MYO3B: variants seen among roughly 807,000 people sequenced by gnomAD.
The protein encoded by MYO3B is myosin IIIB, also known as myosin-IIIb.
A neutral mutation model predicts 174.6 loss-of-function variants in MYO3B; 156 were observed. The ratio of observed to expected loss-of-function variants is 0.89; its 90% CI spans 0.78 to 1.02. MYO3B has a LOEUF of 1.02. Among genes scored for constraint, MYO3B ranks in the 50% least tolerant of loss-of-function variants. MYO3B has a pLI of 0.00. For synonymous variants in MYO3B, 563 were observed against 569.1 expected (o/e 0.99, Z 0.15); for missense variants, 1,632 against 1,639.4 (o/e 1.00, Z 0.08).
At chr2:170,300,940 G>A (rs1375319526) in intron 7 of MYO3B, among the ~76,000 whole-genome samples, 1 of 152,196 alleles carries the variant, frequency 6.6e-6, no homozygotes, top group Admixed American at 6.5e-5. Flanking sequence ...AAGAGGTGCT[G>A]AATTACAAAG....
chr2:170,393,234 C>T (rs2094425161), intron 16 of MYO3B, among the ~76,000 whole-genome samples: 1 of 151,856 alleles, frequency 6.6e-6, no homozygotes, highest in Admixed American at 6.6e-5. Context: ...CAGGTGTGTG[C>T]CACCACACCT....
chr2:170,493,169 T>C (rs949651550), intron 25 of MYO3B, among the ~76,000 whole-genome samples: 1 of 152,168 alleles, frequency 6.6e-6, no homozygotes, highest in African/African-American at 2.4e-5. Flanking sequence ...ACGTGTAACA[T>C]GGAAAACCTA....
intron 12 of MYO3B, among the ~76,000 whole-genome samples, chr2:170,384,283 G>A (rs569772668): frequency 6.6e-6 from 1 of 152,268 alleles, no homozygotes; most frequent in East Asian, 1.9e-4. Flanking sequence ...GAAAAATTGT[G>A]ATAGATTGGG....
chr2:170,283,094 C>T (rs1380900887), intron 7 of MYO3B, among the ~76,000 whole-genome samples: 1 of 152,112 alleles, frequency 6.6e-6, no homozygotes, highest in Non-Finnish European at 1.5e-5. Context: ...TGGGGCTGGG[C>T]TCTCAAAATC....
Position 170,369,312 on chromosome 2 carries a change from T to C in MYO3B, c.906T>C (p.Phe302=). ...FIKGVHGKVL[F]LQKQLAKVLQ... is the part of the protein sequence containing the mutation. ...AAGGAGTACATGGAAAAGTTCTGTT[T>C]CTGCAAAAACAGCTGGCCAAGGTTC... The change falls in exon 9 of 35, where the codon TTT becomes TTC. Residue 302 remains phenylalanine, a synonymous_variant. Transcript: ENST00000408978. The C allele has an allele frequency of 6.2e-7, 1 of 1,613,894 alleles. No homozygotes were observed. Among genetic ancestry groups the C allele is most frequent in the Non-Finnish European group, 8.5e-7 (1 of 1,179,838 alleles).
At chr2:170,398,146 C>T (rs1431187631) in intron 16 of MYO3B, among the ~76,000 whole-genome samples, 1 of 147,910 alleles carries the variant, frequency 6.8e-6, no homozygotes, top group Non-Finnish European at 1.5e-5. Context: ...TCACTTGAAC[C>T]TGGGTGGCGG....
chr2:170,387,932 C>A (rs1352793520), intron 14 of MYO3B, among the ~76,000 whole-genome samples: 1 of 152,048 alleles, frequency 6.6e-6, no homozygotes, highest in African/African-American at 2.4e-5. Context: ...GTGTGGTACA[C>A]CCTATCAGTG....
intron 32 of MYO3B, among the ~76,000 whole-genome samples, chr2:170,561,852 A>G (rs530099932): frequency 1.3e-5 from 2 of 152,322 alleles, no homozygotes; most frequent in Non-Finnish European, 2.9e-5. Context: ...TGTACACGCA[A>G]TACATAAAAA....
At chr2:170,606,834 A>C (rs1244567615) in intron 32 of MYO3B, among the ~76,000 whole-genome samples, 1 of 152,168 alleles carries the variant, frequency 6.6e-6, no homozygotes, top group African/African-American at 2.4e-5. Flanking sequence ...TAGCCTGATC[A>C]ACATGGAGAA....
At chr2:170,481,292 T>A (rs990410000) in intron 25 of MYO3B, among the ~76,000 whole-genome samples, 1 of 152,216 alleles carries the variant, frequency 6.6e-6, no homozygotes, top group African/African-American at 2.4e-5. Context: ...GTGAACAGCA[T>A]CCTCAATACC....
At chr2:170,207,749 A>G (rs972737714) in intron 3 of MYO3B, among the ~76,000 whole-genome samples, 1 of 152,054 alleles carries the variant, frequency 6.6e-6, no homozygotes, top group Non-Finnish European at 1.5e-5. Flanking sequence ...AAAGGGGTAC[A>G]GACTGAAGAT....
intron 9 of MYO3B, among the ~76,000 whole-genome samples, chr2:170,372,333 A>C (rs2094255414): frequency 6.6e-6 from 1 of 152,154 alleles, no homozygotes; most frequent in South Asian, 2.1e-4. Flanking sequence ...TGTTAGTAGT[A>C]GAAGTAGTGT....
chr2:170,381,833 C>G (rs562394724), intron 9 of MYO3B, among the ~76,000 whole-genome samples, 183 bp from the exon 10 acceptor site: 235 of 152,330 alleles, frequency 1.5e-3, no homozygotes, highest in African/African-American at 5.6e-3. Context: ...ATGGAGATCA[C>G]TTTATCCCAA....
At chr2:170,496,581 T>C (rs1033627833) in intron 25 of MYO3B, among the ~76,000 whole-genome samples, 1 of 148,704 alleles carries the variant, frequency 6.7e-6, no homozygotes, top group Non-Finnish European at 1.5e-5. Context: ...GGATAATATA[T>C]TCAAAAAGTT....
At chr2:170,485,439 AGAGAGC>A (rs1685987752) in intron 25 of MYO3B, among the ~76,000 whole-genome samples, 1 of 151,404 alleles carries the variant, frequency 6.6e-6, no homozygotes, top group African/African-American at 2.4e-5. Flanking sequence ...AGAGAGAGAG[AGAGAGC>A]GAGTGAGTTA....
intron 8 of MYO3B, among the ~76,000 whole-genome samples, chr2:170,354,028 A>G (rs1008747719): frequency 3.3e-5 from 5 of 152,226 alleles, no homozygotes; most frequent in African/African-American, 1.2e-4. Context: ...TCTATGATTT[A>G]TTATTAATGC....
intron 25 of MYO3B, among the ~76,000 whole-genome samples, chr2:170,476,703 T>C (rs1685339994): frequency 6.6e-6 from 1 of 151,942 alleles, no homozygotes. Context: ...GGGTGCAAAA[T>C]AGGGGATGTG....
At chr2:170,373,840 A>G (rs1558936026) in intron 9 of MYO3B, among the ~76,000 whole-genome samples, 1 of 152,110 alleles carries the variant, frequency 6.6e-6, no homozygotes, top group Non-Finnish European at 1.5e-5. Flanking sequence ...AAAAAAAAAA[A>G]AAAACTTAGC....
At chr2:170,611,427 C>A (rs748509345) in intron 32 of MYO3B, among the ~76,000 whole-genome samples, 36 of 152,076 alleles carry the variant, frequency 2.4e-4, no homozygotes, top group African/African-American at 8.5e-4. Context: ...TGGAATAACA[C>A]TTATTGCAGC....
Sources: gnomAD v4.1 joint callset for allele counts (sites outside exome capture counted in the v4.1 genomes callset) on GRCh38, gnomAD v4.1.1 for gene constraint, MANE v1.5 for transcripts, NCBI Gene and HGNC (gene_info 2026-07-23, HGNC 2026-07-21) for gene names.